The following WDFY3 variants were observed in gnomAD, a reference collection of about 807,000 sequenced individuals.
The protein encoded by WDFY3 is WD repeat and FYVE domain containing 3, also known as WD repeat and FYVE domain-containing protein 3.
Under a neutral mutation model 409.6 loss-of-function variants are expected in WDFY3, and 66 were observed. The ratio of observed to expected loss-of-function variants is 0.16; its 90% CI spans 0.13 to 0.20. The LOEUF (loss-of-function observed/expected upper bound fraction) is 0.20. Ranked by LOEUF, WDFY3 falls within the 10% of genes least tolerant of loss-of-function variation. The probability of loss-of-function intolerance (pLI) is 1.00; values close to 1 mark genes in which losing one functional copy is unlikely to be tolerated. For synonymous variants in WDFY3, 1,521 were observed against 1,537.1 expected (o/e 0.99, Z 0.25); for missense variants, 3,031 against 4,298.1 (o/e 0.71, Z 8.24).
chr4:84,914,391 G>A (rs556015479), intron 2 of WDFY3, among the ~76,000 whole-genome samples: 6 of 152,072 alleles, frequency 3.9e-5, no homozygotes, highest in Non-Finnish European at 8.8e-5. Flanking sequence ...TTCAGCCCGG[G>A]CAACAGTGTG....
At position 84,874,803 on chromosome 4, in the gene WDFY3, A is replaced by C. The variant is rs910793863; in HGVS notation, c.-31-14181T>G. On this transcript the variant is annotated intron_variant, in intron 3 of 67. Coordinates refer to ENST00000295888, the MANE Select transcript of WDFY3 (RefSeq NM_014991.6). ...TTGCTTAACGACAGGGATACACTCG[A>C]GAAGTGCACTGTTAGGCAATTTTGT... is the stretch of plus-strand genomic sequence containing the variant. Among the ~76,000 whole-genome samples the C allele has an allele frequency of 7.9e-5, 12 of 152,154 alleles. 1 individual carries two copies. Among genetic ancestry groups the C allele is most frequent in the Admixed American group, 7.9e-4 (12 of 15,274 alleles).
At chr4:84,713,270 A>C (rs1198849476) in intron 50 of WDFY3, 31 bp from the exon 51 acceptor site, 1 of 1,590,016 alleles carries the variant, frequency 6.3e-7, no homozygotes, top group South Asian at 1.1e-5. Context: ...TAAAATTACA[A>C]GTGAAGTCTC....
At chr4:84,742,325 A>C (rs1468073364) in intron 37 of WDFY3, among the ~76,000 whole-genome samples, 1 of 152,224 alleles carries the variant, frequency 6.6e-6, no homozygotes, top group African/African-American at 2.4e-5. Context: ...GTATAGCTCT[A>C]ATAGCAGTGA....
At chr4:84,943,561 G>A (rs185570596) in intron 1 of WDFY3, among the ~76,000 whole-genome samples, 80 of 152,144 alleles carry the variant, frequency 5.3e-4, no homozygotes, top group African/African-American at 1.9e-3. Flanking sequence ...TGTATAAATC[G>A]ACGGTTTATG....
intron 3 of WDFY3, among the ~76,000 whole-genome samples, chr4:84,863,090 C>T (rs1378499927): frequency 6.6e-6 from 1 of 152,212 alleles, no homozygotes; most frequent in Non-Finnish European, 1.5e-5. Flanking sequence ...CACACGCACA[C>T]ATACATATCT....
chr4:84,959,521 T>C (rs1027082178), intron 1 of WDFY3, among the ~76,000 whole-genome samples: 2 of 152,058 alleles, frequency 1.3e-5, no homozygotes, highest in African/African-American at 4.8e-5. Flanking sequence ...ATTTAGAAGA[T>C]AAAAACAACT....
At chr4:84,724,281 T>C (rs1735300369) in intron 46 of WDFY3, 145 bp downstream of exon 46, 4 of 881,192 alleles carry the variant, frequency 4.5e-6, no homozygotes, top group Non-Finnish European at 6.5e-6. Flanking sequence ...AAGAAATCAA[T>C]CTTTAAGAAG....
intron 2 of WDFY3, among the ~76,000 whole-genome samples, chr4:84,926,055 C>T (rs1439978470): frequency 2.0e-5 from 3 of 149,270 alleles, no homozygotes; most frequent in South Asian, 2.1e-4. Flanking sequence ...CTCTCTCTGT[C>T]GCCCAGGCTG....
At chr4:84,773,458 AT>A (rs749736458) in intron 29 of WDFY3, among the ~76,000 whole-genome samples, 4 of 152,152 alleles carry the variant, frequency 2.6e-5, no homozygotes, top group Non-Finnish European at 5.9e-5. Flanking sequence ...TACATATATG[AT>A]TAAATTCCTG....
intron 36 of WDFY3, among the ~76,000 whole-genome samples, chr4:84,745,315 T>A (rs1739236130): frequency 6.6e-6 from 1 of 152,210 alleles, no homozygotes; most frequent in Admixed American, 6.5e-5. Flanking sequence ...AAGAGATCTG[T>A]ATGTTTTAGA....
At chr4:84,801,140 T>C (rs564783377) in intron 17 of WDFY3, among the ~76,000 whole-genome samples, 6 of 152,252 alleles carry the variant, frequency 3.9e-5, no homozygotes, top group African/African-American at 1.4e-4. Context: ...AATCTACACA[T>C]GATACAATAA....
intron 36 of WDFY3, among the ~76,000 whole-genome samples, chr4:84,749,225 T>A (rs2149280974): frequency 6.6e-6 from 1 of 152,296 alleles, no homozygotes; most frequent in Admixed American, 6.5e-5. Context: ...GGATAAAGAC[T>A]TCATAATCAT....
At chr4:84,801,999 G>T in intron 16 of WDFY3, 135 bp from the exon 17 acceptor site, 1 of 802,876 alleles carries the variant, frequency 1.2e-6, no homozygotes, top group Non-Finnish European at 1.9e-6. Flanking sequence ...CCAGGCTGGA[G>T]TGCAATGGTG....
At chr4:84,898,741 T>C (rs1561032355) in intron 2 of WDFY3, among the ~76,000 whole-genome samples, 1 of 152,220 alleles carries the variant, frequency 6.6e-6, no homozygotes, top group Non-Finnish European at 1.5e-5. Context: ...TTCCAGCTTT[T>C]TGTGGCAAAG....
chr4:84,785,397 G>T (rs1747374630), intron 24 of WDFY3, among the ~76,000 whole-genome samples: 1 of 152,004 alleles, frequency 6.6e-6, no homozygotes, highest in South Asian at 2.1e-4. Flanking sequence ...CCTCATCCCT[G>T]TCAAGTCTTT....
At position 84,848,719 on chromosome 4, in the gene WDFY3, G is replaced by A. The variant is rs187094255; in HGVS notation, c.304+1183C>T. On this transcript the variant is annotated intron_variant, in intron 5 of 67. Transcript: ENST00000295888. ...CCTTTAGGAATGGAGAACAATGGGGGATGGAGAGGAGGAGACAGAAGTATC... is the reference window on the plus strand; with the variant it reads ...CCTTTAGGAATGGAGAACAATGGGGAATGGAGAGGAGGAGACAGAAGTATC... Among the ~76,000 whole-genome samples, 9 of 152,302 alleles carry A rather than the reference G, an allele frequency of 5.9e-5. No homozygotes were observed. In the East Asian group the frequency reaches 1.4e-3, roughly 23 times the overall value.
At chr4:84,808,010 T>C (rs2063573987) in intron 15 of WDFY3, among the ~76,000 whole-genome samples, 1 of 151,982 alleles carries the variant, frequency 6.6e-6, no homozygotes. Flanking sequence ...CTTAGAGACA[T>C]TAAGTCCACA....
rs1437986676 is a variant in WDFY3, at chr4:84,692,569, A to G, written c.9049+316T>C. On this transcript the variant is annotated intron_variant, in intron 59 of 67. Transcript: ENST00000295888. ...TTTAAATGAGAATGAAATTATGAAG[A>G]CAAATTTTTTTTATCTATAAAGTTG... Among the ~76,000 whole-genome samples the G allele has an allele frequency of 4.8e-4, 73 of 152,298 alleles. 1 individual carries two copies. The highest frequency in any genetic ancestry group is 4.8e-3 in the Admixed American group (73 of 15,296).
chr4:84,935,581 T>C (rs1579197511), intron 1 of WDFY3, among the ~76,000 whole-genome samples: 1 of 152,168 alleles, frequency 6.6e-6, no homozygotes, highest in East Asian at 1.9e-4. Context: ...TTCATGTGTA[T>C]TTTATATGTA....
Sources: gnomAD v4.1 joint callset for allele counts (sites outside exome capture counted in the v4.1 genomes callset) on GRCh38, gnomAD v4.1.1 for gene constraint, MANE v1.5 for transcripts, NCBI Gene and HGNC (gene_info 2026-07-23, HGNC 2026-07-21) for gene names.